The following SCN2B variants were observed in gnomAD, a reference collection of about 807,000 sequenced individuals.
SCN2B encodes sodium voltage-gated channel beta subunit 2.
SCN2B carries 14 observed loss-of-function variants against 18.2 expected under a neutral mutation model. The observed-to-expected ratio is 0.77, with a 90% CI of 0.51 to 1.21. SCN2B has a LOEUF of 1.21. SCN2B is among the 50% of genes most tolerant of loss of function. The pLI is 0.00. For synonymous variants in SCN2B, 115 were observed against 115.3 expected, an observed-to-expected ratio of 1.00 and a Z score of 0.02; for missense variants, 262 against 286.9, an observed-to-expected ratio of 0.91 and a Z score of 0.63.
rs1429623464 is a variant in SCN2B, at chr11:118,165,333, G to A, written c.*1554C>T. 1 of 152,640 alleles carries A rather than the reference G, an allele frequency of 6.6e-6. No homozygotes were observed. The highest frequency in any genetic ancestry group is 1.9e-4 in the East Asian group (1 of 5,202). 9.5% of individuals were successfully genotyped at this position (152,640 alleles called of 1,614,324 possible). A position where few individuals can be genotyped will look rare whatever the true frequency, so the allele number is the denominator to read the frequency against. ...TTTTAAGTGAGTGACTTGGCTAGTT[G>A]ATCTCTGAGGATCTTCCAAGGTCAT... On this transcript the variant is annotated 3_prime_UTR_variant, in exon 4 of 4. Coordinates refer to ENST00000278947, the MANE Select transcript of SCN2B (RefSeq NM_004588.5).
intron 1 of SCN2B, among the ~76,000 whole-genome samples, chr11:118,172,688 C>A (rs1948438794): frequency 6.6e-6 from 1 of 152,230 alleles, no homozygotes; most frequent in African/African-American, 2.4e-5. Flanking sequence ...TCCAAAACCT[C>A]AGCAGTGGCG....
intron 1 of SCN2B, among the ~76,000 whole-genome samples, chr11:118,175,196 G>A (rs1261632056): frequency 2.0e-5 from 3 of 152,128 alleles, no homozygotes; most frequent in Non-Finnish European, 4.4e-5. Context: ...TCACAAACAC[G>A]TCAGGCAGTA....
rs648449 is a variant in SCN2B, at chr11:118,167,937, G to A, written c.448+148C>T. ...GTTCCCAGGTTCTTGAGGACTAGAG[G>A]GAAGAAAATGGATTCCTTCTATGCA... On this transcript the variant is annotated intron_variant, in intron 3 of 3. Coordinates refer to ENST00000278947, the MANE Select transcript of SCN2B (RefSeq NM_004588.5). 0.055 allele frequency: 39,390 copies of A among 712,558 alleles called. 6,151 individuals carry two copies. Among genetic ancestry groups the A allele is most frequent in the African/African-American group, 0.45 (25,515 of 57,056 alleles). The allele number at this position is 712,558 out of a possible 1,614,324, so 44.1% of individuals were successfully genotyped here.
At chr11:118,173,645 A>G (rs11216791) in intron 1 of SCN2B, among the ~76,000 whole-genome samples, 10,580 of 152,272 alleles carry the variant, frequency 0.069, 420 homozygotes, top group East Asian at 0.14. Context: ...TGCGACTATG[A>G]TGAGCATTAT....
At position 118,166,716 on chromosome 11, in the gene SCN2B, G is replaced by T; in HGVS notation, c.*171C>A. ...CAGGTTTCTCGGATGGAAGAGAGTG[G>T]GTCACTCTTGGTGCAGGGTGGGAGA... On this transcript the variant is annotated 3_prime_UTR_variant, in exon 4 of 4. Coordinates refer to ENST00000278947, the MANE Select transcript of SCN2B (RefSeq NM_004588.5). 1 of 716,278 alleles carries T rather than the reference G, an allele frequency of 1.4e-6. No individual in the cohort carries two copies. The highest frequency in any genetic ancestry group is 2.7e-5 in the East Asian group (1 of 36,932). The allele number at this position is 716,278 out of a possible 1,614,324, so 44.4% of individuals were successfully genotyped here. A position where few individuals can be genotyped will look rare whatever the true frequency, so the allele number is the denominator to read the frequency against.
rs963160168 is a variant in SCN2B, at chr11:118,164,565, T to A, written c.*2322A>T. The A allele has an allele frequency of 1.3e-5, 2 of 153,120 alleles. No individual in the cohort carries two copies. Among genetic ancestry groups the A allele is most frequent in the Non-Finnish European group, 2.9e-5 (2 of 68,280 alleles). 9.5% of individuals were successfully genotyped at this position (153,120 alleles called of 1,614,324 possible). ...CTCTGCACCCACTCTGCCTGGCCTC[T>A]GCACCCTTGACCCTGTTGTATTGCC... On this transcript the variant is annotated 3_prime_UTR_variant, in exon 4 of 4. Transcript: ENST00000278947.
chr11:118,170,849 G>T (rs1448937679), intron 1 of SCN2B, among the ~76,000 whole-genome samples: 1 of 152,210 alleles, frequency 6.6e-6, no homozygotes, highest in Non-Finnish European at 1.5e-5. Context: ...AACAGGAAGG[G>T]CTTCTAGGGG....
At position 118,166,852 on chromosome 11, in the gene SCN2B, G is replaced by C; in HGVS notation, c.*35C>G. On this transcript the variant is annotated 3_prime_UTR_variant, in exon 4 of 4. Transcript: ENST00000278947. ...ACTGTACAGGGCGGAGAGGGGAGGAGACGGGACACGGGAGGCTGCAGGGCC... is the reference window on the plus strand; with the variant it reads ...ACTGTACAGGGCGGAGAGGGGAGGACACGGGACACGGGAGGCTGCAGGGCC... 4.3e-6 allele frequency: 7 copies of C among 1,611,956 alleles called. No homozygotes were observed. Among genetic ancestry groups the C allele is most frequent in the Non-Finnish European group, 5.9e-6 (7 of 1,179,356 alleles).
chr11:118,176,244 C>A, intron 1 of SCN2B, 118 bp downstream of exon 1: 1 of 979,990 alleles, frequency 1.0e-6, no homozygotes, highest in Non-Finnish European at 1.6e-6. Flanking sequence ...ACCTCCCCTC[C>A]CAAGGACACA....
intron 1 of SCN2B, among the ~76,000 whole-genome samples, chr11:118,173,219 C>T (rs564181470): frequency 2.0e-4 from 30 of 152,202 alleles, no homozygotes; most frequent in Non-Finnish European, 3.5e-4. Context: ...CCTGCCAGCC[C>T]CCATCCCCCC....
intron 1 of SCN2B, among the ~76,000 whole-genome samples, chr11:118,173,106 A>G (rs1948442708): frequency 6.6e-6 from 1 of 150,868 alleles, no homozygotes. Context: ...TCACCTCCAG[A>G]CCTCCAACGG....
At chr11:118,171,798 T>G (rs1428989124) in intron 1 of SCN2B, among the ~76,000 whole-genome samples, 1 of 152,170 alleles carries the variant, frequency 6.6e-6, no homozygotes, top group Non-Finnish European at 1.5e-5. Flanking sequence ...GGAACACGCG[T>G]GCCCTCTAGT....
In SCN2B at chr11:118,165,431, A is replaced by G. The variant is rs1020627867; in HGVS notation, c.*1456T>C. ...ATCAATTTCCATTGAATGTGAGTGTAATGGCAGTGATGGTTGGCTCCGCAC... is the reference window on the plus strand; with the variant it reads ...ATCAATTTCCATTGAATGTGAGTGTGATGGCAGTGATGGTTGGCTCCGCAC... On this transcript the variant is annotated 3_prime_UTR_variant, in exon 4 of 4. Coordinates refer to ENST00000278947, the MANE Select transcript of SCN2B (RefSeq NM_004588.5). The G allele has an allele frequency of 6.7e-6, 1 of 149,692 alleles. No homozygotes were observed. Among genetic ancestry groups the G allele is most frequent in the Non-Finnish European group, 1.5e-5 (1 of 67,790 alleles). The allele number at this position is 149,692 out of a possible 1,614,324, so 9.3% of individuals were successfully genotyped here.
rs140951962 is a variant in SCN2B at position 118,171,015 on chromosome 11, G to A, written c.71-2264C>T. Among the ~76,000 whole-genome samples, 1,086 of 152,180 alleles carry A rather than the reference G, an allele frequency of 7.1e-3. 7 individuals carry two copies. The highest frequency in any genetic ancestry group is 0.024 in the African/African-American group (1,014 of 41,524). ...AAGCAGCCGCCCTGCAGCCTGCAGG[G>A]AAATCAACATCTGCCTGGAGCACCC... On this transcript the variant is annotated intron_variant, in intron 1 of 3. Transcript: ENST00000278947.
rs1176092271 is a variant in SCN2B, at chr11:118,168,594, A to G, written c.228T>C (p.Ser76=). Residue 76 remains serine (S), a synonymous_variant, in exon 2 of 4, where the codon TCT becomes TCC. Coordinates refer to ENST00000278947, the MANE Select transcript of SCN2B (RefSeq NM_004588.5). This position sits in a 1 kb window ranked among gnomAD's most constrained non-coding sequence, Gnocchi z 4.7. ...NWTYQECNNC[S]EEMFLQFRMK... ...TCAGCCCAGGACTCACCATCTCCTCAGAGCAGTTGTTGCACTCCTGGTAAG... is the reference window on the plus strand; with the variant it reads ...TCAGCCCAGGACTCACCATCTCCTCGGAGCAGTTGTTGCACTCCTGGTAAG... The G allele has an allele frequency of 2.5e-6, 4 of 1,614,212 alleles. No homozygotes were observed. In the South Asian group the frequency reaches 4.4e-5, roughly 18 times the overall value.
chr11:118,166,527 A>G lies in SCN2B; in HGVS notation c.*360T>C. 1 of 353,276 alleles carries G rather than the reference A, an allele frequency of 2.8e-6. No homozygotes were observed. Among genetic ancestry groups the G allele is most frequent in the Non-Finnish European group, 5.5e-6 (1 of 183,466 alleles). The allele number at this position is 353,276 out of a possible 1,614,324, so 21.9% of individuals were successfully genotyped here. Reference sequence around the variant, plus strand: ...CCAGGTCCTCTCTGAAGCCACTGCCAGGCCAAGCACTGGGCAGGTGGACAG... The same window carrying G: ...CCAGGTCCTCTCTGAAGCCACTGCCGGGCCAAGCACTGGGCAGGTGGACAG... On this transcript the variant is annotated 3_prime_UTR_variant, in exon 4 of 4. Coordinates refer to ENST00000278947, the MANE Select transcript of SCN2B (RefSeq NM_004588.5).
chr11:118,168,381 C>T lies in SCN2B; in HGVS notation c.238-86G>A, dbSNP rs563214019. ...GAGGATGCCCCCTCTTCCCATCCAC[C>T]CTTTTCCTGGGGAAGAGAGGCAGTT... On this transcript the variant is annotated intron_variant, in intron 2 of 3. Coordinates refer to ENST00000278947, the MANE Select transcript of SCN2B (RefSeq NM_004588.5). The surrounding 1 kb of genome is among the most constrained non-coding windows in gnomAD (Gnocchi z 4.7). The T allele has an allele frequency of 5.9e-6, 8 of 1,363,616 alleles. No homozygotes were observed. The highest frequency in any genetic ancestry group is 1.4e-5 in the African/African-American group (1 of 69,862). The allele number at this position is 1,363,616 out of a possible 1,614,324, so 84.5% of individuals were successfully genotyped here. A position where few individuals can be genotyped will look rare whatever the true frequency, so the allele number is the denominator to read the frequency against.
At chr11:118,171,458 C>T (rs1409026885) in intron 1 of SCN2B, among the ~76,000 whole-genome samples, 1 of 152,238 alleles carries the variant, frequency 6.6e-6, no homozygotes, top group Non-Finnish European at 1.5e-5. Flanking sequence ...CTGAGCTTAC[C>T]TCCCATCCCA....
chr11:118,170,773 A>C (rs1948425108), intron 1 of SCN2B, among the ~76,000 whole-genome samples: 1 of 152,182 alleles, frequency 6.6e-6, no homozygotes, highest in Non-Finnish European at 1.5e-5. Flanking sequence ...TAATGAAAAG[A>C]AGCAGTAAGT....
Sources: gnomAD v4.1 joint callset for allele counts (sites outside exome capture counted in the v4.1 genomes callset) on GRCh38, gnomAD v4.1.1 for gene constraint, Gnocchi (gnomAD v3.1) non-coding constraint, MANE v1.5 for transcripts, NCBI Gene and HGNC (gene_info 2026-07-23, HGNC 2026-07-21) for gene names.